Variants in AKAP19 observed in about 807,000 individuals in gnomAD.
AKAP19 encodes A-kinase anchoring protein 19.
chr2:189,953,466 C>T, the AKAP19 span, among the ~76,000 whole-genome samples: 1 of 151,746 alleles, frequency 6.6e-6, no homozygotes, highest in African/African-American at 2.4e-5. Context: ...GAAACCCTGT[C>T]TCTGCTGAAA....
the AKAP19 span, among the ~76,000 whole-genome samples, chr2:190,010,640 A>G: frequency 1.3e-5 from 2 of 152,202 alleles, 1 homozygote; most frequent in Non-Finnish European, 2.9e-5. Context: ...TTGTATAGAA[A>G]ATATGGTGGG....
the AKAP19 span, among the ~76,000 whole-genome samples, chr2:190,153,398 A>G: frequency 6.6e-6 from 1 of 152,078 alleles, no homozygotes; most frequent in Admixed American, 6.5e-5. Flanking sequence ...CTAATTTTCT[A>G]TGGTATTGGA....
chr2:190,072,868 G>A, the AKAP19 span, among the ~76,000 whole-genome samples: 8 of 152,048 alleles, frequency 5.3e-5, no homozygotes, highest in Admixed American at 3.3e-4. Context: ...GATATTCATA[G>A]CTTCAAATAT....
At chr2:189,929,842 C>A in the AKAP19 span, among the ~76,000 whole-genome samples, 1 of 152,056 alleles carries the variant, frequency 6.6e-6, no homozygotes, top group Non-Finnish European at 1.5e-5. Flanking sequence ...TTTAATAAAA[C>A]CTTGACCCAA....
chr2:190,121,714 T>C, the AKAP19 span, among the ~76,000 whole-genome samples: 1 of 152,318 alleles, frequency 6.6e-6, no homozygotes, highest in African/African-American at 2.4e-5. Context: ...ATAATGATTA[T>C]AGACAGGTAG....
chr2:190,177,123 T>C, the AKAP19 span, among the ~76,000 whole-genome samples: 1 of 152,146 alleles, frequency 6.6e-6, no homozygotes, highest in Admixed American at 6.5e-5. This position sits in a 1 kb window ranked among gnomAD's most constrained non-coding sequence, Gnocchi z 4.6. Flanking sequence ...CCCATAATGG[T>C]ATTTTTTTTC....
the AKAP19 span, among the ~76,000 whole-genome samples, chr2:190,135,029 A>G: frequency 6.6e-6 from 1 of 152,156 alleles, no homozygotes; most frequent in South Asian, 2.1e-4. Flanking sequence ...AAGGCATCTT[A>G]TTTACTATTC....
the AKAP19 span, among the ~76,000 whole-genome samples, chr2:190,115,877 C>T: frequency 0.013 from 1,975 of 152,292 alleles, 20 homozygotes; most frequent in Admixed American, 0.021. Flanking sequence ...CACATGGCTA[C>T]GCCCAGTTGA....
chr2:190,051,438 A>AGTCTTTGGCC, the AKAP19 span, among the ~76,000 whole-genome samples: 6 of 152,254 alleles, frequency 3.9e-5, no homozygotes, highest in African/African-American at 1.2e-4. Context: ...CAGGATGAGG[A>AGTCTTTGGCC]ATCTTTGGTG....
chr2:190,142,623 A>C, the AKAP19 span, among the ~76,000 whole-genome samples: 1 of 152,148 alleles, frequency 6.6e-6, no homozygotes, highest in African/African-American at 2.4e-5. Flanking sequence ...AGGCCTCCAC[A>C]GTGGTAAGAA....
the AKAP19 span, chr2:190,079,290 C>G: frequency 6.6e-6 from 1 of 152,186 alleles, no homozygotes; most frequent in Non-Finnish European, 1.5e-5. Context: ...AAATTTTTCT[C>G]ACTAAACTTC....
the AKAP19 span, among the ~76,000 whole-genome samples, chr2:190,038,395 C>T: frequency 6.6e-6 from 1 of 151,806 alleles, no homozygotes; most frequent in African/African-American, 2.4e-5. Flanking sequence ...TGTAGATGCC[C>T]TTAGTCTAGG....
the AKAP19 span, among the ~76,000 whole-genome samples, chr2:190,058,963 A>AC: frequency 6.6e-6 from 1 of 151,642 alleles, no homozygotes; most frequent in African/African-American, 2.4e-5. Flanking sequence ...AACCACTTGT[A>AC]CCCCCCAACA....
At chr2:189,963,679 A>G in the AKAP19 span, among the ~76,000 whole-genome samples, 1 of 152,190 alleles carries the variant, frequency 6.6e-6, no homozygotes, top group Admixed American at 6.5e-5. Context: ...TCTTAATGGC[A>G]TCTAGAATAG....
chr2:189,995,201 G>A, the AKAP19 span, among the ~76,000 whole-genome samples: 3 of 152,136 alleles, frequency 2.0e-5, no homozygotes, highest in African/African-American at 7.2e-5. Context: ...TTGATGACCT[G>A]TCTAGTGCTG....
At chr2:190,181,645 C>G in the AKAP19 span, among the ~76,000 whole-genome samples, 7 of 152,128 alleles carry the variant, frequency 4.6e-5, no homozygotes, top group Non-Finnish European at 2.9e-5. Context: ...TCTCTCTTGT[C>G]TCTGGTCTGA....
chr2:189,906,111 CTTCTAAT>C, the AKAP19 span, among the ~76,000 whole-genome samples: 1 of 152,012 alleles, frequency 6.6e-6, no homozygotes, highest in Admixed American at 6.6e-5. Context: ...TAGCCTCCTA[CTTCTAAT>C]CTTAAGTCAT....
chr2:189,948,977 A>G, the AKAP19 span, among the ~76,000 whole-genome samples: 1 of 151,892 alleles, frequency 6.6e-6, no homozygotes, highest in Admixed American at 6.6e-5. Flanking sequence ...TTAACTCTTA[A>G]TCCTTTGCTA....
chr2:189,973,517 T>C, the AKAP19 span, among the ~76,000 whole-genome samples: 13 of 152,176 alleles, frequency 8.5e-5, no homozygotes, highest in Non-Finnish European at 1.9e-4. Context: ...TTAGGGAGGA[T>C]TCCCTCTTTT....
Sources: gnomAD v4.1 joint callset for allele counts (sites outside exome capture counted in the v4.1 genomes callset) on GRCh38, gnomAD v4.1.1 for gene constraint, Gnocchi (gnomAD v3.1) non-coding constraint, MANE v1.5 for transcripts, NCBI Gene and HGNC (gene_info 2026-07-23, HGNC 2026-07-21) for gene names.